Variants in CHN2 observed in about 807,000 individuals in gnomAD.
The protein encoded by CHN2 is beta-chimaerin.
A neutral mutation model predicts 56.3 loss-of-function variants in CHN2; 35 were observed. The observed-to-expected ratio is 0.62, with a 90% CI of 0.47 to 0.82. The LOEUF (loss-of-function observed/expected upper bound fraction) is 0.82. Among genes scored for constraint, CHN2 ranks in the 40% least tolerant of loss-of-function variants. The probability of loss-of-function intolerance (pLI) is 0.00; values close to 1 mark genes in which losing one functional copy is unlikely to be tolerated. For synonymous variants in CHN2, 210 were observed against 212.8 expected, an observed-to-expected ratio of 0.99 and a Z score of 0.12; for missense variants, 491 against 580.5, an observed-to-expected ratio of 0.85 and a Z score of 1.58.
chr7:29,223,192 G>A (rs1785934733), intron 1 of CHN2, among the ~76,000 whole-genome samples: 1 of 152,102 alleles, frequency 6.6e-6, no homozygotes, highest in African/African-American at 2.4e-5. Flanking sequence ...ACATGTAAAA[G>A]ACTGACAATG....
At chr7:29,295,848 G>A (rs954549111) in intron 1 of CHN2, among the ~76,000 whole-genome samples, 4 of 152,196 alleles carry the variant, frequency 2.6e-5, no homozygotes, top group Non-Finnish European at 5.9e-5. Context: ...GCCAGCAGAG[G>A]GGATTAGGCA....
intron 2 of CHN2, chr7:29,186,591 G>A (rs1798746582): frequency 6.6e-6 from 1 of 151,636 alleles, no homozygotes; most frequent in Non-Finnish European, 1.5e-5. Flanking sequence ...AGAAAGAAAG[G>A]GAGGAAGGAA....
intron 3 of CHN2, among the ~76,000 whole-genome samples, chr7:29,378,664 T>C (rs1051138579): frequency 6.6e-5 from 10 of 152,188 alleles, no homozygotes; most frequent in African/African-American, 2.4e-4. Context: ...ACACTAAAAG[T>C]AACTTTAAAG....
Position 29,233,673 on chromosome 7 carries a change from A to C in CHN2, c.49+38683A>C, listed in dbSNP as rs557445679. ...AGAAGGGTCAGTTTCAGAAAAATGCAAAGTGAGAAAGACTCAACGGGCCAT... is the reference window on the plus strand; with the variant it reads ...AGAAGGGTCAGTTTCAGAAAAATGCCAAGTGAGAAAGACTCAACGGGCCAT... On this transcript the variant is annotated intron_variant, in intron 1 of 12. Transcript: ENST00000222792. Among the ~76,000 whole-genome samples the C allele has an allele frequency of 9.6e-4, 146 of 152,230 alleles. 1 individual carries two copies. Among genetic ancestry groups the C allele is most frequent in the African/African-American group, 3.5e-3 (144 of 41,532 alleles).
intron 2 of CHN2, among the ~76,000 whole-genome samples, chr7:29,169,471 C>T (rs1271090311): frequency 6.6e-6 from 1 of 151,836 alleles, no homozygotes; most frequent in Non-Finnish European, 1.5e-5. Flanking sequence ...TGTTTATATA[C>T]AATAATGTTA....
chr7:29,460,303 C>A (rs1477483333), intron 6 of CHN2, among the ~76,000 whole-genome samples: 1 of 152,188 alleles, frequency 6.6e-6, no homozygotes, highest in Admixed American at 6.5e-5. Flanking sequence ...AGGGCAAACC[C>A]ATCACCCTTT....
intron 1 of CHN2, among the ~76,000 whole-genome samples, chr7:29,345,449 AT>A (rs1330200994): frequency 6.6e-6 from 1 of 152,158 alleles, no homozygotes; most frequent in African/African-American, 2.4e-5. Flanking sequence ...GAGCCAGAGC[AT>A]TTACGCTGAG....
intron 1 of CHN2, among the ~76,000 whole-genome samples, chr7:29,230,258 A>T (rs1324817217): frequency 6.6e-6 from 1 of 152,222 alleles, no homozygotes; most frequent in Non-Finnish European, 1.5e-5. Flanking sequence ...ATTTCTAGGG[A>T]CGCACATGGT....
chr7:29,223,171 C>T (rs1053434887), intron 1 of CHN2, among the ~76,000 whole-genome samples: 1 of 152,132 alleles, frequency 6.6e-6, no homozygotes, highest in Admixed American at 6.5e-5. Context: ...ACCCACCCAC[C>T]AGAATTGCTA....
chr7:29,358,432 G>A (rs1798478235), intron 2 of CHN2, among the ~76,000 whole-genome samples: 1 of 151,716 alleles, frequency 6.6e-6, no homozygotes, highest in Non-Finnish European at 1.5e-5. Context: ...AAGAAAATTA[G>A]TCAATTTCTA....
intron 6 of CHN2, among the ~76,000 whole-genome samples, chr7:29,412,716 C>T (rs930645102): frequency 1.3e-5 from 2 of 152,140 alleles, no homozygotes; most frequent in African/African-American, 4.8e-5. Context: ...TGGGATGAAA[C>T]ATGGCCCCTT....
chr7:29,238,906 G>A (rs751246694), intron 1 of CHN2, among the ~76,000 whole-genome samples: 20 of 152,244 alleles, frequency 1.3e-4, no homozygotes, highest in Non-Finnish European at 2.5e-4. Flanking sequence ...CGGGGCAGTA[G>A]TCAGAAGGAA....
intron 1 of CHN2, among the ~76,000 whole-genome samples, chr7:29,222,756 T>G (rs1785902873): frequency 6.6e-6 from 1 of 152,074 alleles, no homozygotes; most frequent in Non-Finnish European, 1.5e-5. Context: ...GGTTCAAAAA[T>G]TTAAGTGGAA....
At chr7:29,340,731 C>G (rs1244725071) in intron 1 of CHN2, among the ~76,000 whole-genome samples, 2 of 152,168 alleles carry the variant, frequency 1.3e-5, no homozygotes, top group Non-Finnish European at 2.9e-5. Context: ...CCCTCACAGG[C>G]CAGGAGTGTG....
intron 6 of CHN2, among the ~76,000 whole-genome samples, chr7:29,472,675 G>A (rs1309582417): frequency 2.6e-5 from 4 of 151,800 alleles, no homozygotes; most frequent in African/African-American, 9.7e-5. Context: ...CTGAAAAATG[G>A]GCATGTTTTT....
chr7:29,278,883 C>A (rs893059372), intron 1 of CHN2, among the ~76,000 whole-genome samples: 8 of 152,084 alleles, frequency 5.3e-5, no homozygotes, highest in African/African-American at 1.9e-4. Flanking sequence ...GCTAGACTCG[C>A]GAGGCTGCCA....
At chr7:29,299,641 A>G (rs1033037540) in intron 1 of CHN2, among the ~76,000 whole-genome samples, 3 of 152,172 alleles carry the variant, frequency 2.0e-5, no homozygotes, top group Non-Finnish European at 4.4e-5. Flanking sequence ...TATTATTATT[A>G]TTAATGCACA....
intron 11 of CHN2, among the ~76,000 whole-genome samples, chr7:29,508,507 C>T (rs1013351740): frequency 2.0e-5 from 3 of 151,646 alleles, no homozygotes; most frequent in Non-Finnish European, 2.9e-5. Context: ...GACACAAAGG[C>T]AGGCTGGGAT....
chr7:29,429,614 G>T (rs1411603801), intron 6 of CHN2, among the ~76,000 whole-genome samples: 2 of 151,716 alleles, frequency 1.3e-5, no homozygotes, highest in Non-Finnish European at 2.9e-5. Flanking sequence ...TCAAGGTTCA[G>T]TTCCCTGGAA....
Sources: gnomAD v4.1 joint callset for allele counts (sites outside exome capture counted in the v4.1 genomes callset) on GRCh38, gnomAD v4.1.1 for gene constraint, MANE v1.5 for transcripts, NCBI Gene and HGNC (gene_info 2026-07-23, HGNC 2026-07-21) for gene names.